TAF4B: variants seen among roughly 807,000 people sequenced by gnomAD.
TAF4B encodes the protein TATA-box binding protein associated factor 4b.
TAF4B carries 38 observed loss-of-function variants against 86.4 expected under a neutral mutation model. The ratio of observed to expected loss-of-function variants is 0.44; its 90% CI spans 0.34 to 0.58. TAF4B has a LOEUF of 0.58. Among genes scored for constraint, TAF4B ranks in the 20% least tolerant of loss-of-function variants. The pLI, the probability that TAF4B is intolerant of heterozygous loss-of-function variation, is 0.02. For synonymous variants in TAF4B, 388 were observed against 391.2 expected, an observed-to-expected ratio of 0.99 and a Z score of 0.10; for missense variants, 988 against 1,027.6, an observed-to-expected ratio of 0.96 and a Z score of 0.53.
At chr18:26,313,141 G>C (rs1034843026) in intron 9 of TAF4B, among the ~76,000 whole-genome samples, 1 of 152,108 alleles carries the variant, frequency 6.6e-6, no homozygotes. Context: ...ATTTTTTTAA[G>C]TGGTTGAGAG....
chr18:26,290,415 A>G (rs777780145), intron 7 of TAF4B, among the ~76,000 whole-genome samples: 1 of 152,242 alleles, frequency 6.6e-6, no homozygotes, highest in Non-Finnish European at 1.5e-5. Context: ...GACGGGTTTT[A>G]AAAAGAAAAA....
intron 13 of TAF4B, among the ~76,000 whole-genome samples, chr18:26,345,171 C>G (rs1020104087): frequency 6.6e-6 from 1 of 152,148 alleles, no homozygotes; most frequent in Non-Finnish European, 1.5e-5. Flanking sequence ...CCTGGTCTAC[C>G]CAACAGCCCT....
intron 13 of TAF4B, 98 bp downstream of exon 13, chr18:26,335,329 C>T: frequency 1.9e-6 from 2 of 1,049,934 alleles, no homozygotes; most frequent in Non-Finnish European, 2.9e-6. Context: ...CTGTTGCATA[C>T]CATTTGCAGA....
intron 13 of TAF4B, among the ~76,000 whole-genome samples, chr18:26,342,892 C>T (rs913542904): frequency 2.6e-5 from 4 of 152,166 alleles, no homozygotes; most frequent in Non-Finnish European, 4.4e-5. Flanking sequence ...AGCAGTCTTA[C>T]ATTTTATTAA....
intron 14 of TAF4B, among the ~76,000 whole-genome samples, chr18:26,370,988 T>C (rs2057402520): frequency 1.3e-5 from 2 of 152,178 alleles, no homozygotes; most frequent in Non-Finnish European, 2.9e-5. Flanking sequence ...TGATCACACA[T>C]GTGGGTCCAG....
In TAF4B at chr18:26,226,940, G is replaced by A. The variant is rs1186170522; in HGVS notation, c.7G>A (p.Ala3Thr). 10 of 1,374,496 alleles carry A rather than the reference G, an allele frequency of 7.3e-6. No individual in the cohort carries two copies. The Admixed American group carries it at 3.2e-4, about 44-fold the overall frequency. 85.1% of individuals were successfully genotyped at this position (1,374,496 alleles called of 1,614,324 possible). A position where few individuals can be genotyped will look rare whatever the true frequency, so the allele number is the denominator to read the frequency against. ...GCCGCTGAGCCCCTGGGGGATGCCC[G>A]CCGGCCTCACCGAACCCGCCGGCGC... is the stretch of plus-strand genomic sequence containing the variant. MP[A>T]GLTEPAGAAP... The change falls in exon 1 of 15, where the codon GCC becomes ACC. Residue 3 changes from alanine to threonine, a missense_variant. By Grantham distance (58) the Ala-to-Thr change is moderately conservative. Coordinates refer to ENST00000269142, the MANE Select transcript of TAF4B (RefSeq NM_005640.3).
At chr18:26,334,946 A>G (rs2057079112) in intron 12 of TAF4B, among the ~76,000 whole-genome samples, 1 of 152,140 alleles carries the variant, frequency 6.6e-6, no homozygotes, top group South Asian at 2.1e-4. Context: ...CATCGTTAGC[A>G]TCATTTTCAG....
At chr18:26,248,810 C>T (rs1312672967) in intron 1 of TAF4B, among the ~76,000 whole-genome samples, 8 of 107,520 alleles carry the variant, frequency 7.4e-5, no homozygotes, top group Admixed American at 3.8e-4. Context: ...CAGGCGTGAG[C>T]GACTGCACCT....
intron 1 of TAF4B, among the ~76,000 whole-genome samples, chr18:26,236,344 A>G (rs1367623958): frequency 1.3e-5 from 2 of 152,084 alleles, no homozygotes; most frequent in Admixed American, 1.3e-4. Context: ...GGGGCAGGAG[A>G]TTAACACTGA....
chr18:26,292,373 T>A lies in TAF4B; in HGVS notation c.1718T>A (p.Phe573Tyr), dbSNP rs775070836. ...AACACCATAATACCTACTAGTCAGT[T>A]TCCTCCAGGTAGATGCTGGTCCATC... The part of the protein sequence containing the change: ...PVNTIIPTSQ[F>Y]PPASILKQIT... The change falls in exon 8 of 15, where the codon TTT (phenylalanine) becomes TAT (tyrosine). Residue 573 changes from phenylalanine (F) to tyrosine (Y), a missense_variant. Transcript: ENST00000269142. 30 of 1,612,370 alleles carry A rather than the reference T, an allele frequency of 1.9e-5. No individual in the cohort carries two copies. The highest frequency in any genetic ancestry group is 1.6e-4 in the Middle Eastern group (1 of 6,082).
At position 26,240,781 on chromosome 18, in the gene TAF4B, GT is replaced by G. The variant is rs558990567; in HGVS notation, c.343+13510del. 1.9e-3 allele frequency among the ~76,000 whole-genome samples: 295 copies of G among 152,256 alleles called. 1 individual carries two copies. The highest frequency in any genetic ancestry group is 5.6e-3 in the African/African-American group (234 of 41,542). On this transcript the variant is annotated intron_variant, in intron 1 of 14. Transcript: ENST00000269142. ...CACATCAATACCTAACTTATTGAGA[GT>G]TTTTAGCATGAAGGGCTGTTGAAGT...
At chr18:26,365,110 G>A (rs2057363258) in intron 14 of TAF4B, among the ~76,000 whole-genome samples, 1 of 149,476 alleles carries the variant, frequency 6.7e-6, no homozygotes, top group African/African-American at 2.5e-5. Context: ...GGATTCAAGC[G>A]ATTCTCCTGC....
intron 10 of TAF4B, 104 bp downstream of exon 10, chr18:26,315,502 T>A: frequency 2.8e-6 from 2 of 714,174 alleles, no homozygotes; most frequent in Non-Finnish European, 4.2e-6. Context: ...CTCTGAGGCT[T>A]AAATAAGATT....
At chr18:26,332,899 G>C (rs1468569277) in intron 12 of TAF4B, among the ~76,000 whole-genome samples, 1 of 152,034 alleles carries the variant, frequency 6.6e-6, no homozygotes, top group Non-Finnish European at 1.5e-5. Context: ...GGCAACACAT[G>C]ATCTCCAGCC....
chr18:26,293,356 T>C, intron 8 of TAF4B, 70 bp from the exon 9 acceptor site: 1 of 1,046,234 alleles, frequency 9.6e-7, no homozygotes, highest in African/African-American at 1.6e-5. Flanking sequence ...AAAACGGTTG[T>C]CCTGGATTTT....
chr18:26,350,078 G>A (rs745360383), intron 13 of TAF4B, among the ~76,000 whole-genome samples: 1 of 152,160 alleles, frequency 6.6e-6, no homozygotes, highest in Non-Finnish European at 1.5e-5. Context: ...AGAGATCTAA[G>A]TGTAAAACCT....
chr18:26,332,722 G>A (rs540902589), intron 12 of TAF4B, among the ~76,000 whole-genome samples: 3 of 152,142 alleles, frequency 2.0e-5, no homozygotes, highest in Admixed American at 2.0e-4. Flanking sequence ...TAGAGACGGG[G>A]TTTCACCATG....
intron 1 of TAF4B, among the ~76,000 whole-genome samples, chr18:26,231,034 C>CTTTTTTTTGTTTTTTTT (rs2055658156): frequency 1.5e-5 from 1 of 66,164 alleles, no homozygotes; most frequent in Non-Finnish European, 2.8e-5. Context: ...TGTTGTTTTG[C>CTTTTTTTTGTTTTTTTT]TTTTTTTTTT....
At chr18:26,285,031 G>C (rs921541396) in intron 6 of TAF4B, among the ~76,000 whole-genome samples, 2 of 151,356 alleles carry the variant, frequency 1.3e-5, no homozygotes, top group Non-Finnish European at 2.9e-5. Context: ...GTAGTGGTGC[G>C]ATCACAGCTC....
Sources: gnomAD v4.1 joint callset for allele counts (sites outside exome capture counted in the v4.1 genomes callset) on GRCh38, gnomAD v4.1.1 for gene constraint, MANE v1.5 for transcripts, NCBI Gene and HGNC (gene_info 2026-07-23, HGNC 2026-07-21) for gene names.